The following ABLIM1 variants were observed in gnomAD, a reference collection of about 807,000 sequenced individuals.
ABLIM1 encodes the protein actin binding LIM protein 1, also known as actin-binding LIM protein 1.
A neutral mutation model predicts 107.0 loss-of-function variants in ABLIM1; 40 were observed. The ratio of observed to expected loss-of-function variants is 0.37; its 90% CI spans 0.29 to 0.49. ABLIM1 has a LOEUF of 0.49. Among genes scored for constraint, ABLIM1 ranks in the 20% least tolerant of loss-of-function variants. ABLIM1 has a pLI of 0.97. For missense variants in ABLIM1, 857 were observed against 1,008.5 expected, an observed-to-expected ratio of 0.85 and a Z score of 2.04; for synonymous variants, 357 against 357.3, an observed-to-expected ratio of 1.00 and a Z score of 0.01.
chr10:114,458,364 C>G (rs1191839661), intron 12 of ABLIM1, among the ~76,000 whole-genome samples: 1 of 152,074 alleles, frequency 6.6e-6, no homozygotes, highest in Non-Finnish European at 1.5e-5. Context: ...TCTCACTGTA[C>G]TTAACACATT....
At position 114,460,633 on chromosome 10, in the gene ABLIM1, C is replaced by T. The variant is rs535848154; in HGVS notation, c.1441+5065G>A. Among the ~76,000 whole-genome samples the T allele has an allele frequency of 2.0e-4, 31 of 152,302 alleles. No homozygotes were observed. In the South Asian group the frequency reaches 6.4e-3, roughly 32 times the overall value. On this transcript the variant is annotated intron_variant, in intron 12 of 22. Transcript: ENST00000533213. The stretch of plus-strand genomic sequence containing the variant: ...ACAAAAAAAAGCAATTTAAGAGCAC[C>T]ATGCTGACCAAGGTGGGTGTGCCCC...
chr10:114,597,853 G>A (rs1253030059), intron 2 of ABLIM1, among the ~76,000 whole-genome samples: 1 of 152,172 alleles, frequency 6.6e-6, no homozygotes, highest in Non-Finnish European at 1.5e-5. Flanking sequence ...AGGAGACGAA[G>A]ACTTTGACAC....
chr10:114,582,276 C>T (rs2073479951), intron 2 of ABLIM1, among the ~76,000 whole-genome samples: 1 of 151,990 alleles, frequency 6.6e-6, no homozygotes. Flanking sequence ...TAGCCACACA[C>T]ACAAAAACAC....
chr10:114,655,350 C>T (rs762079691), intron 1 of ABLIM1, among the ~76,000 whole-genome samples: 6 of 152,214 alleles, frequency 3.9e-5, no homozygotes, highest in Non-Finnish European at 7.3e-5. Context: ...AGGGAATCTG[C>T]TGATAAGTCA....
the ABLIM1 span, among the ~76,000 whole-genome samples, chr10:114,790,456 C>T: frequency 1.7e-3 from 262 of 152,206 alleles, no homozygotes; most frequent in Middle Eastern, 6.8e-3. Flanking sequence ...GAGAAAAACC[C>T]TAGTGAATTT....
rs140282262 is a variant in ABLIM1 at position 114,623,335 on chromosome 10, C to T, written c.245-21374G>A. Among the ~76,000 whole-genome samples, 8 of 152,314 alleles carry T rather than the reference C, an allele frequency of 5.3e-5. No individual in the cohort carries two copies. The East Asian group carries it at 1.5e-3, about 29-fold the overall frequency. Reference sequence around the variant, plus strand: ...AAAAGTAACTTAAACTTCCTGCCAACCTTTGCTCCCAGTATCATATACTGA... The same window carrying T: ...AAAAGTAACTTAAACTTCCTGCCAATCTTTGCTCCCAGTATCATATACTGA... On this transcript the variant is annotated intron_variant, in intron 1 of 22. Transcript: ENST00000533213.
chr10:114,562,345 C>A (rs7091712), intron 4 of ABLIM1, among the ~76,000 whole-genome samples: 1 of 152,010 alleles, frequency 6.6e-6, no homozygotes, highest in East Asian at 1.9e-4. Flanking sequence ...CTGGCTAACA[C>A]GGTGAAACCC....
chr10:114,461,411 GA>G (rs886180879), intron 12 of ABLIM1, among the ~76,000 whole-genome samples: 143 of 133,748 alleles, frequency 1.1e-3, no homozygotes, highest in African/African-American at 2.9e-3. Context: ...TTTTTTTTAA[GA>G]AAAAAAAACA....
At chr10:114,644,280 CAAAAAAAAAA>C (rs1170954656) in intron 1 of ABLIM1, among the ~76,000 whole-genome samples, 7 of 18,636 alleles carry the variant, frequency 3.8e-4, no homozygotes, top group African/African-American at 1.0e-3. Flanking sequence ...GACTCCATCT[CAAAAAAAAAA>C]AAAAAAAAAA....
chr10:114,512,370 T>C (rs539875732), intron 6 of ABLIM1, among the ~76,000 whole-genome samples: 1 of 152,338 alleles, frequency 6.6e-6, no homozygotes, highest in Non-Finnish European at 1.5e-5. Context: ...CTTATTCATC[T>C]TTGCATTCTC....
chr10:114,713,457 A>T (rs1280695399), intron 1 of ABLIM1, among the ~76,000 whole-genome samples: 1 of 152,202 alleles, frequency 6.6e-6, no homozygotes, highest in Non-Finnish European at 1.5e-5. Context: ...AGAAATCAAA[A>T]CCAAGTGCAA....
chr10:114,473,198 C>T (rs891937351), intron 9 of ABLIM1, 66 bp from the exon 10 acceptor site: 80 of 1,464,196 alleles, frequency 5.5e-5, no homozygotes, highest in African/African-American at 4.3e-4. Context: ...CTGTAGTTGG[C>T]GCATTTCCTG....
At chr10:114,798,902 T>A in the ABLIM1 span, among the ~76,000 whole-genome samples, 1 of 152,064 alleles carries the variant, frequency 6.6e-6, no homozygotes, top group East Asian at 1.9e-4. Context: ...TTCAAGCGAT[T>A]CTCCTGCCTC....
chr10:114,443,566 G>T (rs1023639350), intron 17 of ABLIM1, among the ~76,000 whole-genome samples: 1 of 151,114 alleles, frequency 6.6e-6, no homozygotes, highest in African/African-American at 2.4e-5. Flanking sequence ...GCCTGCCTTG[G>T]CCTCCCAAAG....
intron 1 of ABLIM1, among the ~76,000 whole-genome samples, chr10:114,618,208 G>C (rs1013464966): frequency 6.6e-6 from 1 of 152,154 alleles, no homozygotes; most frequent in Non-Finnish European, 1.5e-5. Flanking sequence ...CTTTGCGAAT[G>C]TAATTATTGT....
chr10:114,579,115 T>TC (rs1461433100), intron 2 of ABLIM1, among the ~76,000 whole-genome samples: 2 of 152,140 alleles, frequency 1.3e-5, no homozygotes, highest in African/African-American at 4.8e-5. Flanking sequence ...ATCCATTCCC[T>TC]CCTCTGCCTT....
chr10:114,674,930 C>T (rs1403623702), intron 1 of ABLIM1, among the ~76,000 whole-genome samples: 1 of 152,112 alleles, frequency 6.6e-6, no homozygotes, highest in Non-Finnish European at 1.5e-5. Flanking sequence ...ATTCCCTGAC[C>T]TAATCTTTCT....
chr10:114,647,209 G>GTGGCATTTAGGGAAA (rs1555215585), intron 1 of ABLIM1, among the ~76,000 whole-genome samples: 1 of 151,792 alleles, frequency 6.6e-6, no homozygotes, highest in African/African-American at 2.4e-5. Context: ...TGTTGGGCCA[G>GTGGCATTTAGGGAAA]ACTGGTCTTG....
At chr10:114,547,047 C>T (rs1298966290) in intron 5 of ABLIM1, among the ~76,000 whole-genome samples, 2 of 152,036 alleles carry the variant, frequency 1.3e-5, no homozygotes, top group African/African-American at 2.4e-5. Context: ...CCACCTTGGC[C>T]TCCCAAGTGT....
Sources: gnomAD v4.1 joint callset for allele counts (sites outside exome capture counted in the v4.1 genomes callset) on GRCh38, gnomAD v4.1.1 for gene constraint, MANE v1.5 for transcripts, NCBI Gene and HGNC (gene_info 2026-07-23, HGNC 2026-07-21) for gene names.